HTR3A: variants seen among roughly 807,000 people sequenced by gnomAD.
HTR3A encodes 5-hydroxytryptamine (serotonin) receptor 3A, ionotropic.
In HTR3A, 45 loss-of-function variants were observed where a neutral mutation model predicts 54.8. The observed-to-expected ratio is 0.82, with a 90% CI of 0.65 to 1.05. The LOEUF is 1.05. Among genes scored for constraint, HTR3A ranks in the 50% least tolerant of loss-of-function variants. The pLI, the probability that HTR3A is intolerant of heterozygous loss-of-function variation, is 0.00. For missense variants in HTR3A, 657 were observed against 614.0 expected, an observed-to-expected ratio of 1.07 and a Z score of -0.74; for synonymous variants, 297 against 256.0, an observed-to-expected ratio of 1.16 and a Z score of -1.53.
intron 1 of HTR3A, 96 bp from the exon 2 acceptor site, chr11:113,977,675 G>A (rs1158112757): frequency 1.3e-6 from 2 of 1,528,402 alleles, no homozygotes; most frequent in African/African-American, 1.4e-5. Flanking sequence ...GGGGATGGTG[G>A]GGATACGTCT....
In HTR3A at chr11:113,989,246, C is replaced by A. The variant is rs1565583937; in HGVS notation, c.1139-219C>A. The stretch of plus-strand genomic sequence containing the variant: ...GGTGTAGTGGCACGTGCCTGTAATC[C>A]CAGCTACTTGGGAGGTTGAGGCAGG... On this transcript the variant is annotated intron_variant, in intron 8 of 8. Coordinates refer to ENST00000504030, the MANE Select transcript of HTR3A (RefSeq NM_000869.6). This position sits in a 1 kb window ranked among gnomAD's most constrained non-coding sequence, Gnocchi z 4.4. Among the ~76,000 whole-genome samples, 1 of 151,866 alleles carries A rather than the reference C, an allele frequency of 6.6e-6. No individual in the cohort carries two copies. Among genetic ancestry groups the A allele is most frequent in the Non-Finnish European group, 1.5e-5 (1 of 67,976 alleles).
chr11:113,980,663 G>A (rs1226486596), intron 3 of HTR3A, among the ~76,000 whole-genome samples: 3 of 152,210 alleles, frequency 2.0e-5, no homozygotes, highest in Admixed American at 6.5e-5. Flanking sequence ...TAGAGGGATA[G>A]CGGAGGTCAG....
In HTR3A at chr11:113,986,513, C is replaced by G; in HGVS notation, c.706-5C>G. On this transcript the variant is annotated splice_region_variant and splice_polypyrimidine_tract_variant and intron_variant, in intron 6 of 8. Transcript: ENST00000504030. ...GGCTTCCCACAAGCTCTTCTCCGGT[C>G]CCAGGTGGTCATCCGCCGGCGGCCC... 6.2e-7 allele frequency: 1 copy of G among 1,612,088 alleles called. No individual in the cohort carries two copies. Among genetic ancestry groups the G allele is most frequent in the South Asian group, 1.1e-5 (1 of 91,070 alleles).
In HTR3A at chr11:113,975,208, C is replaced by T. The variant is rs1379601081; in HGVS notation, c.-118C>T. 2 of 918,890 alleles carry T rather than the reference C, an allele frequency of 2.2e-6. No individual in the cohort carries two copies. Among genetic ancestry groups the T allele is most frequent in the Non-Finnish European group, 3.5e-6 (2 of 576,356 alleles). 56.9% of individuals were successfully genotyped at this position (918,890 alleles called of 1,614,324 possible). A position where few individuals can be genotyped will look rare whatever the true frequency, so the allele number is the denominator to read the frequency against. On this transcript the variant is annotated 5_prime_UTR_variant, in exon 1 of 9. Transcript: ENST00000504030. ...AGGCTGCAGCCTCAGAAGGTGTGAG[C>T]AGTGGCCACGAGAGGCAGGCTGGCT...
At position 113,981,840 on chromosome 11, in the gene HTR3A, C is replaced by A. The variant is rs149490750; in HGVS notation, c.374+528C>A. On this transcript the variant is annotated intron_variant, in intron 4 of 8. Transcript: ENST00000504030. ...AGGCGTGGTGGCGAGCACCTGTAAT[C>A]CCAGCTACTCGGGCAGCTGAGGCAG... is the stretch of plus-strand genomic sequence containing the variant. Among the ~76,000 whole-genome samples, 410 of 152,078 alleles carry A rather than the reference C, an allele frequency of 2.7e-3. 4 individuals are homozygous for A. The highest frequency in any genetic ancestry group is 9.4e-3 in the African/African-American group (390 of 41,474).
intron 1 of HTR3A, 125 bp downstream of exon 1, chr11:113,975,517 G>T: frequency 1.3e-6 from 1 of 765,770 alleles, no homozygotes; most frequent in Admixed American, 2.0e-5. Context: ...AGGAAGGTCA[G>T]CTATCTTACC....
Position 113,989,966 on chromosome 11 carries a change from G to A in HTR3A, c.*203G>A, listed in dbSNP as rs940639375. On this transcript the variant is annotated 3_prime_UTR_variant, in exon 9 of 9. Coordinates refer to ENST00000504030, the MANE Select transcript of HTR3A (RefSeq NM_000869.6). The surrounding 1 kb of genome is among the most constrained non-coding windows in gnomAD (Gnocchi z 4.4). ...CTTCCACCAAAAACTGGGTGTTCAA[G>A]GCCCTTACACCCTTGTCCCACCCCC... 2 of 709,274 alleles carry A rather than the reference G, an allele frequency of 2.8e-6. No individual in the cohort carries two copies. Among genetic ancestry groups the A allele is most frequent in the African/African-American group, 3.5e-5 (2 of 57,334 alleles). 43.9% of individuals were successfully genotyped at this position (709,274 alleles called of 1,614,324 possible).
rs746104835 is a variant in HTR3A, at chr11:113,979,227, TC to T, written c.220-3del. ...TTACTTGTTCAAGCTCCCTTTCCTT[TC>T]CCAGGATGAGAAGAATCAGGTGCTG... On this transcript the variant is annotated splice_region_variant and splice_polypyrimidine_tract_variant and intron_variant, in intron 2 of 8. Transcript: ENST00000504030. 1.4e-5 allele frequency: 23 copies of T among 1,613,048 alleles called. No homozygotes were observed. Among genetic ancestry groups the T allele is most frequent in the Non-Finnish European group, 1.9e-5 (22 of 1,179,430 alleles).
chr11:113,978,597 C>T (rs563143916), intron 2 of HTR3A, among the ~76,000 whole-genome samples: 16 of 152,192 alleles, frequency 1.1e-4, no homozygotes, highest in Non-Finnish European at 2.2e-4. Flanking sequence ...TCTCGAACAC[C>T]TGGCCTCAAG....
At chr11:113,980,769 A>G (rs2137573709) in intron 3 of HTR3A, among the ~76,000 whole-genome samples, 1 of 152,348 alleles carries the variant, frequency 6.6e-6, no homozygotes, top group East Asian at 1.9e-4. Flanking sequence ...ACATGATCGA[A>G]TTTACATTTT....
chr11:113,981,232 C>A lies in HTR3A; in HGVS notation c.294C>A (p.Asn98Lys). ...QYWTDEFLQW[N>K]PEDFDNITKL... is the part of the protein sequence containing the mutation. ...GGACTGATGAGTTTCTCCAGTGGAA[C>A]CCTGAGGACTTTGACAACATCACCA... is the stretch of plus-strand genomic sequence containing the variant. Residue 98 changes from asparagine to lysine, a missense_variant, in exon 4 of 9, where the codon AAC (asparagine) becomes AAA (lysine). By Grantham distance (94) the Asn-to-Lys change is moderately conservative (BLOSUM62 0). Transcript: ENST00000504030. 2 of 1,613,548 alleles carry A rather than the reference C, an allele frequency of 1.2e-6. No individual in the cohort carries two copies. Among genetic ancestry groups the A allele is most frequent in the Non-Finnish European group, 1.7e-6 (2 of 1,179,458 alleles).
chr11:113,990,238 T>A lies in HTR3A; in HGVS notation c.*475T>A. Reference sequence around the variant, plus strand: ...GTGTCTTTTTTTTCTTCACCTCACTTGTGGCAGCTTCCCTGAACACTCATC... The same window carrying A: ...GTGTCTTTTTTTTCTTCACCTCACTAGTGGCAGCTTCCCTGAACACTCATC... On this transcript the variant is annotated 3_prime_UTR_variant, in exon 9 of 9. Transcript: ENST00000504030. The A allele has an allele frequency of 2.2e-6, 1 of 454,410 alleles. No individual in the cohort carries two copies. The highest frequency in any genetic ancestry group is 1.6e-5 in the South Asian group (1 of 64,476). The allele number at this position is 454,410 out of a possible 1,614,324, so 28.1% of individuals were successfully genotyped here.
At position 113,981,095 on chromosome 11, in the gene HTR3A, G is replaced by T. The variant is rs182456900; in HGVS notation, c.265-108G>T. The T allele has an allele frequency of 1.8e-5, 13 of 738,096 alleles. No individual in the cohort carries two copies. The East Asian group carries it at 3.4e-4, about 19-fold the overall frequency. 45.7% of individuals were successfully genotyped at this position (738,096 alleles called of 1,614,324 possible). On this transcript the variant is annotated intron_variant, in intron 3 of 8. Coordinates refer to ENST00000504030, the MANE Select transcript of HTR3A (RefSeq NM_000869.6). ...CACTGACACCAGCTTCTCCCAGGAA[G>T]ATGCCCACCTGTTGCCTGGGCACTG...
chr11:113,986,794 G>C (rs1317283301), intron 7 of HTR3A, 31 bp from the exon 8 acceptor site: 1 of 1,606,014 alleles, frequency 6.2e-7, no homozygotes, highest in Non-Finnish European at 8.5e-7. Context: ...CCTCCTGCAT[G>C]TGTCTCTTGC....
In HTR3A at chr11:113,986,666, C is replaced by A. The variant is rs777047040; in HGVS notation, c.854C>A (p.Ser285Ter). 1 of 1,614,066 alleles carries A rather than the reference C, an allele frequency of 6.2e-7. No homozygotes were observed. Among genetic ancestry groups the A allele is most frequent in the East Asian group, 2.2e-5 (1 of 44,892 alleles). ...AAGATTACACTCCTCCTGGGCTACT[C>A]GGTCTTCCTGATCATCGTTTCTGAC... is the stretch of plus-strand genomic sequence containing the variant. Reference protein sequence around the residue: ...SFKITLLLGYSVFLIIVSDTL... With the variant: ...SFKITLLLGY Residue 285 changes from serine to a stop codon, truncating the protein, a stop_gained, in exon 7 of 9, where the codon TCG becomes TAG. Coordinates refer to ENST00000504030, the MANE Select transcript of HTR3A (RefSeq NM_000869.6). LOFTEE classifies it high-confidence loss of function.
chr11:113,984,958 T>A (rs1296058831), intron 5 of HTR3A, among the ~76,000 whole-genome samples: 2 of 152,036 alleles, frequency 1.3e-5, no homozygotes, highest in East Asian at 3.9e-4. Flanking sequence ...CCACTTCTGT[T>A]CTGATGTATT....
chr11:113,976,338 C>T (rs113570881), intron 1 of HTR3A, among the ~76,000 whole-genome samples: 13 of 152,026 alleles, frequency 8.6e-5, no homozygotes, highest in Non-Finnish European at 1.8e-4. Context: ...GAGTTCAGTG[C>T]TCTCCAAGCT....
At chr11:113,987,743 T>G (rs1950509434) in intron 8 of HTR3A, among the ~76,000 whole-genome samples, 1 of 152,040 alleles carries the variant, frequency 6.6e-6, no homozygotes, top group Non-Finnish European at 1.5e-5. Flanking sequence ...AAATAAAAAT[T>G]AAAAACAACA....
In HTR3A at chr11:113,979,543, T is replaced by G. The variant is rs114752363; in HGVS notation, c.264+266T>G. Reference sequence around the variant, plus strand: ...CCAAACTATGGCTTGTCCCAGCCTCTGTTGAAAGGAACTCATGAGCCAGCC... The same window carrying G: ...CCAAACTATGGCTTGTCCCAGCCTCGGTTGAAAGGAACTCATGAGCCAGCC... On this transcript the variant is annotated intron_variant, in intron 3 of 8. Coordinates refer to ENST00000504030, the MANE Select transcript of HTR3A (RefSeq NM_000869.6). Among the ~76,000 whole-genome samples the G allele has an allele frequency of 6.8e-3, 1,032 of 152,262 alleles. 11 individuals carry two copies. Among genetic ancestry groups the G allele is most frequent in the African/African-American group, 0.024 (995 of 41,562 alleles).
Sources: gnomAD v4.1 joint callset for allele counts (sites outside exome capture counted in the v4.1 genomes callset) on GRCh38, gnomAD v4.1.1 for gene constraint, Gnocchi (gnomAD v3.1) non-coding constraint, MANE v1.5 for transcripts, NCBI Gene and HGNC (gene_info 2026-07-23, HGNC 2026-07-21) for gene names.